The following GRID1 variants were observed in gnomAD, a reference collection of about 807,000 sequenced individuals.
GRID1 encodes glutamate receptor ionotropic, delta-1.
GRID1 carries 28 observed loss-of-function variants against 98.0 expected under a neutral mutation model. The observed-to-expected ratio is 0.29, with a 90% confidence interval of 0.21 to 0.39. The LOEUF (loss-of-function observed/expected upper bound fraction) is 0.39. Ranked by LOEUF, GRID1 falls within the 10% of genes least tolerant of loss-of-function variation. The pLI is 1.00. For missense variants in GRID1, 1,111 were observed against 1,340.5 expected (o/e 0.83, Z 2.67); for synonymous variants, 553 against 538.5 (o/e 1.03, Z -0.37).
intron 5 of GRID1, among the ~76,000 whole-genome samples, chr10:85,884,754 A>G (rs1021329625): frequency 2.0e-5 from 3 of 152,222 alleles, no homozygotes; most frequent in African/African-American, 7.2e-5. Context: ...GGTCATCTTT[A>G]GAACTAGGTA....
intron 4 of GRID1, among the ~76,000 whole-genome samples, chr10:85,937,032 C>T (rs1841936186): frequency 6.6e-6 from 1 of 152,206 alleles, no homozygotes; most frequent in South Asian, 2.1e-4. Context: ...CACCACCAGC[C>T]AATATCCTGG....
intron 8 of GRID1, among the ~76,000 whole-genome samples, chr10:85,748,844 C>T (rs906809052): frequency 6.6e-6 from 1 of 152,142 alleles, no homozygotes; most frequent in African/African-American, 2.4e-5. Context: ...CAAAACTCCT[C>T]AAACACATCA....
intron 5 of GRID1, among the ~76,000 whole-genome samples, chr10:85,913,175 A>AT (rs1459458126): frequency 6.6e-6 from 1 of 152,166 alleles, no homozygotes; most frequent in Non-Finnish European, 1.5e-5. Context: ...GCCCAAGAGT[A>AT]TTCCCCATCA....
chr10:86,187,586 C>A (rs1358141468), intron 3 of GRID1, among the ~76,000 whole-genome samples: 1 of 152,190 alleles, frequency 6.6e-6, no homozygotes, highest in East Asian at 1.9e-4. Flanking sequence ...CAGCCAGAGG[C>A]TGGGGAGCCC....
chr10:86,226,821 C>T (rs563732929), intron 2 of GRID1, among the ~76,000 whole-genome samples: 18 of 151,020 alleles, frequency 1.2e-4, no homozygotes, highest in African/African-American at 3.9e-4. Context: ...AACCAGCTGG[C>T]GGTCCTCCCT....
chr10:86,145,392 T>G (rs1845072598), intron 3 of GRID1, among the ~76,000 whole-genome samples: 1 of 152,164 alleles, frequency 6.6e-6, no homozygotes, highest in Non-Finnish European at 1.5e-5. Context: ...CCGGCTCATT[T>G]TTGTATTTTT....
chr10:85,794,717 A>G (rs1204295988), intron 8 of GRID1, among the ~76,000 whole-genome samples: 1 of 152,230 alleles, frequency 6.6e-6, no homozygotes, highest in Non-Finnish European at 1.5e-5. Flanking sequence ...AGTAGTATTT[A>G]CCACTGGGTG....
intron 4 of GRID1, among the ~76,000 whole-genome samples, chr10:86,068,663 TCA>T: frequency 6.6e-6 from 1 of 152,314 alleles, no homozygotes; most frequent in East Asian, 1.9e-4. Flanking sequence ...TCAGATACTG[TCA>T]CACACGCTCC....
At chr10:85,910,182 G>A (rs1841518084) in intron 5 of GRID1, among the ~76,000 whole-genome samples, 1 of 152,104 alleles carries the variant, frequency 6.6e-6, no homozygotes, top group Admixed American at 6.5e-5. Context: ...TTTGAAGATG[G>A]TAAATGGTAT....
At chr10:85,676,601 G>T (rs1006226258) in intron 12 of GRID1, among the ~76,000 whole-genome samples, 1 of 152,124 alleles carries the variant, frequency 6.6e-6, no homozygotes, top group African/African-American at 2.4e-5. Context: ...CACCACAATG[G>T]AGACGCAGCT....
At chr10:86,085,287 C>T (rs1194426147) in intron 4 of GRID1, among the ~76,000 whole-genome samples, 1 of 152,214 alleles carries the variant, frequency 6.6e-6, no homozygotes, top group Non-Finnish European at 1.5e-5. Context: ...CAGTGTCTGC[C>T]TGCCCACAGG....
chr10:86,084,773 C>T (rs1057382529), intron 4 of GRID1, among the ~76,000 whole-genome samples: 2 of 152,048 alleles, frequency 1.3e-5, no homozygotes, highest in African/African-American at 2.4e-5. Flanking sequence ...TGCAGTAAGC[C>T]GCTCACAACA....
chr10:86,074,679 GAT>G (rs1471206167), intron 4 of GRID1, among the ~76,000 whole-genome samples: 1 of 152,182 alleles, frequency 6.6e-6, no homozygotes, highest in East Asian at 1.9e-4. Context: ...GTAACCCTTT[GAT>G]ATAATGATTC....
chr10:86,138,734 C>T (rs577764511), intron 4 of GRID1, 85 bp downstream of exon 4: 40 of 1,087,520 alleles, frequency 3.7e-5, no homozygotes, highest in African/African-American at 1.4e-4. Context: ...ATGCGTAAGA[C>T]GACTGTGCCC....
chr10:86,063,314 G>A (rs1242322836), intron 4 of GRID1, among the ~76,000 whole-genome samples: 1 of 152,154 alleles, frequency 6.6e-6, no homozygotes, highest in Non-Finnish European at 1.5e-5. Context: ...AGAAACATAC[G>A]CCAGCCGCTG....
intron 4 of GRID1, among the ~76,000 whole-genome samples, chr10:86,114,477 G>A (rs1331940987): frequency 1.3e-5 from 2 of 152,160 alleles, no homozygotes; most frequent in Non-Finnish European, 2.9e-5. Flanking sequence ...CAGGGCTCAG[G>A]AAGGTCACAT....
At chr10:86,198,765 C>A (rs1183073378) in intron 3 of GRID1, among the ~76,000 whole-genome samples, 15 of 152,142 alleles carry the variant, frequency 9.9e-5, no homozygotes, top group African/African-American at 2.9e-4. Context: ...ACTGGAGGAG[C>A]AAACTGCCAA....
intron 2 of GRID1, among the ~76,000 whole-genome samples, chr10:86,343,826 C>T (rs899119505): frequency 3.3e-5 from 5 of 152,236 alleles, no homozygotes; most frequent in African/African-American, 4.8e-5. Flanking sequence ...CCAGGGACCC[C>T]GCCTTGTGCA....
intron 4 of GRID1, among the ~76,000 whole-genome samples, chr10:86,050,626 G>A (rs1310639398): frequency 6.6e-6 from 1 of 152,106 alleles, no homozygotes; most frequent in African/African-American, 2.4e-5. Context: ...CTAGGAATAA[G>A]CTGACCTTGA....
Sources: gnomAD v4.1 joint callset for allele counts (sites outside exome capture counted in the v4.1 genomes callset) on GRCh38, gnomAD v4.1.1 for gene constraint, MANE v1.5 for transcripts, NCBI Gene and HGNC (gene_info 2026-07-23, HGNC 2026-07-21) for gene names.